Variants in ANKIB1 observed in about 807,000 individuals in gnomAD.
ANKIB1 encodes the protein ankyrin repeat and IBR domain containing 1, also known as ankyrin repeat and IBR domain-containing protein 1.
Under a neutral mutation model 122.1 loss-of-function variants are expected in ANKIB1, and 43 were observed. That is an observed-to-expected ratio of 0.35 (90% CI 0.28 to 0.45). The LOEUF is 0.45. ANKIB1 is among the 20% of genes least tolerant of loss of function. The probability of loss-of-function intolerance (pLI) is 1.00; values close to 1 mark genes in which losing one functional copy is unlikely to be tolerated. For synonymous variants in ANKIB1, 390 were observed against 442.0 expected, an observed-to-expected ratio of 0.88 and a Z score of 1.48; for missense variants, 992 against 1,329.5, an observed-to-expected ratio of 0.75 and a Z score of 3.95.
intron 1 of ANKIB1, among the ~76,000 whole-genome samples, chr7:92,259,456 A>G (rs955879749): frequency 3.3e-5 from 5 of 152,140 alleles, no homozygotes; most frequent in African/African-American, 1.2e-4. Flanking sequence ...ATATCTGTAT[A>G]TTAAATAATT....
chr7:92,392,389 CAGCA>C, intron 17 of ANKIB1, 97 bp downstream of exon 17: 1 of 1,072,412 alleles, frequency 9.3e-7, no homozygotes, highest in Non-Finnish European at 1.4e-6. Context: ...CTGAGATTAT[CAGCA>C]GTGCTGTCTC....
At chr7:92,389,775 C>T (rs924439412) in intron 14 of ANKIB1, among the ~76,000 whole-genome samples, 196 bp from the exon 15 acceptor site, 3 of 152,138 alleles carry the variant, frequency 2.0e-5, no homozygotes, top group African/African-American at 7.2e-5. Context: ...TTTATAAACA[C>T]ATACATGTCA....
intron 1 of ANKIB1, among the ~76,000 whole-genome samples, chr7:92,282,975 T>G (rs569136030): frequency 6.6e-6 from 1 of 152,268 alleles, no homozygotes; most frequent in East Asian, 1.9e-4. Flanking sequence ...CATTTGCCAG[T>G]TTGTCAAAAA....
intron 7 of ANKIB1, among the ~76,000 whole-genome samples, chr7:92,350,607 C>T (rs1399020190): frequency 6.6e-6 from 1 of 152,118 alleles, no homozygotes; most frequent in Non-Finnish European, 1.5e-5. Flanking sequence ...CATATAACCC[C>T]AGGGCTTTGG....
intron 9 of ANKIB1, among the ~76,000 whole-genome samples, chr7:92,357,182 T>G (rs1803833035): frequency 6.6e-6 from 1 of 152,218 alleles, no homozygotes; most frequent in Admixed American, 6.5e-5. Flanking sequence ...CACTTGATGT[T>G]AGGTTAACCA....
chr7:92,316,921 GTAA>G (rs1351495257), intron 3 of ANKIB1, among the ~76,000 whole-genome samples: 1 of 152,130 alleles, frequency 6.6e-6, no homozygotes, highest in Non-Finnish European at 1.5e-5. Flanking sequence ...TTTTTGTGTG[GTAA>G]TATCTGTTGC....
At chr7:92,281,222 G>A (rs928222373) in intron 1 of ANKIB1, among the ~76,000 whole-genome samples, 3 of 152,126 alleles carry the variant, frequency 2.0e-5, no homozygotes, top group South Asian at 2.1e-4. Context: ...TTAGAGACTC[G>A]GTGTCCAAGG....
At chr7:92,300,169 C>A (rs1802433033) in intron 2 of ANKIB1, among the ~76,000 whole-genome samples, 1 of 152,152 alleles carries the variant, frequency 6.6e-6, no homozygotes, top group African/African-American at 2.4e-5. Context: ...AACTGCTGAT[C>A]TGGTTCCTCC....
intron 9 of ANKIB1, 127 bp from the exon 10 acceptor site, chr7:92,362,058 G>A (rs1004361160): frequency 2.6e-5 from 19 of 725,260 alleles, no homozygotes; most frequent in African/African-American, 2.5e-4. Flanking sequence ...TGATCCACCC[G>A]CCTTGGCCTC....
chr7:92,353,314 A>G (rs559740637), intron 9 of ANKIB1, among the ~76,000 whole-genome samples: 19 of 152,324 alleles, frequency 1.2e-4, no homozygotes, highest in African/African-American at 4.1e-4. Context: ...ATAGTACTCA[A>G]TAAGTACAAA....
rs1392422658 is a variant in ANKIB1, at chr7:92,399,782, T to A, written c.*833T>A. The A allele has an allele frequency of 1.3e-5, 2 of 152,232 alleles. No homozygotes were observed. Among genetic ancestry groups the A allele is most frequent in the African/African-American group, 2.4e-5 (1 of 41,472 alleles). The allele number at this position is 152,232 out of a possible 1,614,324, so 9.4% of individuals were successfully genotyped here. A position where few individuals can be genotyped will look rare whatever the true frequency, so the allele number is the denominator to read the frequency against. On this transcript the variant is annotated 3_prime_UTR_variant, in exon 20 of 20. Coordinates refer to ENST00000265742, the MANE Select transcript of ANKIB1 (RefSeq NM_019004.2). ...TGCTGTTAAAAACAGTTTATTTTAA[T>A]ATTAAAATACAGTTGATTAGCAACA...
chr7:92,380,164 G>A (rs554374175), intron 11 of ANKIB1, among the ~76,000 whole-genome samples: 4 of 152,312 alleles, frequency 2.6e-5, no homozygotes, highest in East Asian at 3.9e-4. Flanking sequence ...ATCTAACTGC[G>A]AGGCGGCAAG....
intron 10 of ANKIB1, among the ~76,000 whole-genome samples, chr7:92,362,999 T>C (rs1803985540): frequency 6.6e-6 from 1 of 152,078 alleles, no homozygotes; most frequent in Non-Finnish European, 1.5e-5. Context: ...AAGTGTTTTA[T>C]GACAACTGTT....
At chr7:92,342,957 T>C in intron 5 of ANKIB1, 67 bp from the exon 6 acceptor site, 1 of 1,442,754 alleles carries the variant, frequency 6.9e-7, no homozygotes, top group Non-Finnish European at 9.7e-7. Flanking sequence ...ATTTTTGTTA[T>C]TATATAGCTT....
At position 92,296,884 on chromosome 7, in the gene ANKIB1, G is replaced by A. The variant is rs1299629764; in HGVS notation, c.188+1718G>A. On this transcript the variant is annotated intron_variant, in intron 2 of 19. Transcript: ENST00000265742. ...AATTAGGTTTATCTTGATTTTTATAGGTATTTCTTTTATCTAATTTTTTTG... is the reference window on the plus strand; with the variant it reads ...AATTAGGTTTATCTTGATTTTTATAAGTATTTCTTTTATCTAATTTTTTTG... Among the ~76,000 whole-genome samples, 3 of 152,046 alleles carry A rather than the reference G, an allele frequency of 2.0e-5. No homozygotes were observed. The South Asian group carries it at 6.2e-4, about 32-fold the overall frequency.
At chr7:92,311,706 C>T (rs55734309) in intron 3 of ANKIB1, among the ~76,000 whole-genome samples, 77 of 150,560 alleles carry the variant, frequency 5.1e-4, no homozygotes, top group African/African-American at 1.8e-3. Flanking sequence ...TAATTATGTT[C>T]TGTAATAAGC....
intron 9 of ANKIB1, among the ~76,000 whole-genome samples, chr7:92,357,359 T>G (rs1464388234): frequency 6.6e-6 from 1 of 152,180 alleles, no homozygotes; most frequent in Non-Finnish European, 1.5e-5. Context: ...ACTCTTGTTT[T>G]ACTGACATTT....
At chr7:92,373,005 T>TA (rs1198609068) in intron 11 of ANKIB1, among the ~76,000 whole-genome samples, 2 of 152,146 alleles carry the variant, frequency 1.3e-5, no homozygotes, top group African/African-American at 4.8e-5. Flanking sequence ...TGATTATTAC[T>TA]ATACTTGCAA....
rs759242271 is a variant in ANKIB1 at position 92,398,448 on chromosome 7, G to A, written c.2769G>A (p.Met923Ile). 3.7e-6 allele frequency: 6 copies of A among 1,613,906 alleles called. No individual in the cohort carries two copies. The highest frequency in any genetic ancestry group is 3.4e-6 in the Non-Finnish European group (4 of 1,179,838). Residue 923 changes from methionine (M) to isoleucine (I), a missense_variant, in exon 20 of 20, where the codon ATG becomes ATA. Physicochemically the swap from Met to Ile is conservative, Grantham distance 10. This residue lies in a region of ANKIB1 where 384 missense variants were observed against 412.0 expected (regional missense o/e 0.93). Transcript: ENST00000265742. ...SELLELGDSLMRLGAENDPFS... is the reference protein window; with the variant it reads ...SELLELGDSLIRLGAENDPFS... ...TTTTGGAACTTGGTGACAGCCTCATGAGACTAGGAGCAGAGAATGACCCAT... is the reference window on the plus strand; with the variant it reads ...TTTTGGAACTTGGTGACAGCCTCATAAGACTAGGAGCAGAGAATGACCCAT...
Sources: allele counts gnomAD v4.1 joint callset (sites outside exome capture counted in the v4.1 genomes callset), GRCh38; gene constraint gnomAD v4.1.1; regional missense constraint gnomAD v4.1.1; transcripts MANE v1.5; gene names NCBI Gene and HGNC (gene_info 2026-07-23, HGNC 2026-07-21).